Variants in ATRNL1 observed in about 807,000 individuals in gnomAD.
ATRNL1 encodes attractin-like protein 1.
ATRNL1 carries 95 observed loss-of-function variants against 182.7 expected under a neutral mutation model. The ratio of observed to expected loss-of-function variants is 0.52; its 90% CI spans 0.44 to 0.62. ATRNL1 has a LOEUF of 0.62. Ranked by LOEUF, ATRNL1 falls within the 20% of genes least tolerant of loss-of-function variation. ATRNL1 has a pLI of 0.00. For missense variants in ATRNL1, 1,471 were observed against 1,679.5 expected (o/e 0.88, Z 2.17); for synonymous variants, 576 against 568.3 (o/e 1.01, Z -0.19).
At chr10:115,098,990 A>G (rs1288335552) in intron 1 of ATRNL1, among the ~76,000 whole-genome samples, 2 of 152,242 alleles carry the variant, frequency 1.3e-5, no homozygotes, top group Non-Finnish European at 2.9e-5. Context: ...AAGTTTTGTC[A>G]TATGTATTTG....
intron 25 of ATRNL1, among the ~76,000 whole-genome samples, chr10:115,546,796 A>G (rs1435208984): frequency 6.6e-6 from 1 of 152,122 alleles, no homozygotes; most frequent in Non-Finnish European, 1.5e-5. Context: ...ACACTGCCAG[A>G]TATCGCCTGG....
intron 26 of ATRNL1, among the ~76,000 whole-genome samples, chr10:115,653,987 C>T (rs1008693038): frequency 1.3e-5 from 2 of 152,086 alleles, no homozygotes; most frequent in Admixed American, 6.6e-5. Context: ...ATATGATTAT[C>T]TCAGGTATCT....
chr10:115,454,714 G>A (rs935145909), intron 21 of ATRNL1, among the ~76,000 whole-genome samples: 3 of 151,942 alleles, frequency 2.0e-5, no homozygotes, highest in African/African-American at 4.8e-5. Context: ...CTAGTGTATA[G>A]CAATGCAACA....
chr10:115,624,713 T>A (rs1479722458), intron 26 of ATRNL1, among the ~76,000 whole-genome samples: 1 of 152,178 alleles, frequency 6.6e-6, no homozygotes, highest in African/African-American at 2.4e-5. Context: ...TTTGGACAGC[T>A]GACTGTTAAA....
chr10:115,715,512 A>G (rs1555056002), intron 26 of ATRNL1, among the ~76,000 whole-genome samples: 1 of 152,220 alleles, frequency 6.6e-6, no homozygotes, highest in Non-Finnish European at 1.5e-5. Context: ...AATTACTAGC[A>G]AGTATGGCAA....
At chr10:115,565,777 A>C (rs1470810421) in intron 26 of ATRNL1, among the ~76,000 whole-genome samples, 2 of 152,098 alleles carry the variant, frequency 1.3e-5, no homozygotes, top group African/African-American at 4.8e-5. Flanking sequence ...TTACCATTTG[A>C]TTATTTTTAT....
intron 19 of ATRNL1, among the ~76,000 whole-genome samples, chr10:115,378,869 T>C (rs1210077218): frequency 6.6e-6 from 1 of 152,210 alleles, no homozygotes; most frequent in Non-Finnish European, 1.5e-5. Flanking sequence ...GAAAATTAAA[T>C]TTACATGATA....
chr10:115,163,591 C>G (rs1301229931), intron 6 of ATRNL1, among the ~76,000 whole-genome samples: 2 of 151,978 alleles, frequency 1.3e-5, no homozygotes, highest in Admixed American at 6.6e-5. Flanking sequence ...TCTCTTAACT[C>G]CAGTGCTCAA....
At chr10:115,715,359 C>G (rs1301988395) in intron 26 of ATRNL1, among the ~76,000 whole-genome samples, 1 of 152,134 alleles carries the variant, frequency 6.6e-6, no homozygotes, top group African/African-American at 2.4e-5. Flanking sequence ...ATACCTCTTG[C>G]CACCCAGAGT....
At chr10:115,549,584 T>C (rs782348924) in intron 26 of ATRNL1, 48 bp downstream of exon 26, 69 of 1,315,246 alleles carry the variant, frequency 5.2e-5, no homozygotes, top group Middle Eastern at 2.2e-4. Flanking sequence ...TAAGCAAATA[T>C]ATGGATCTCT....
At chr10:115,701,153 C>T (rs1311995186) in intron 26 of ATRNL1, among the ~76,000 whole-genome samples, 6 of 151,986 alleles carry the variant, frequency 3.9e-5, no homozygotes, top group African/African-American at 1.4e-4. Flanking sequence ...CCAATAAGAT[C>T]TCTCAAAACC....
intron 27 of ATRNL1, among the ~76,000 whole-genome samples, chr10:115,821,473 A>G (rs2960672): frequency 0.73 from 111,548 of 151,950 alleles, 41,018 homozygotes; most frequent in Admixed American, 0.8. Flanking sequence ...AATGCCCCCA[A>G]TTAAAAGACA....
At chr10:115,582,577 C>G (rs1555008051) in intron 26 of ATRNL1, among the ~76,000 whole-genome samples, 1 of 128,436 alleles carries the variant, frequency 7.8e-6, no homozygotes, top group African/African-American at 2.6e-5. Context: ...CCTTCGCCCA[C>G]TTTTTGATGG....
At position 115,193,908 on chromosome 10, in the gene ATRNL1, G is replaced by A. The variant is rs141227273; in HGVS notation, c.1349-21789G>A. Among the ~76,000 whole-genome samples, 409 of 151,282 alleles carry A rather than the reference G, an allele frequency of 2.7e-3. 3 individuals are homozygous for A. Among genetic ancestry groups the A allele is most frequent in the African/African-American group, 9.4e-3 (388 of 41,290 alleles). ...TTTTGATCTGTTTGTCTCCATTTTC[G>A]TTTGTTTCTGGAAATTTTAAAATTT... On this transcript the variant is annotated intron_variant, in intron 8 of 28. Transcript: ENST00000355044.
chr10:115,833,097 G>A (rs1337334970), intron 27 of ATRNL1, among the ~76,000 whole-genome samples: 1 of 152,084 alleles, frequency 6.6e-6, no homozygotes, highest in Non-Finnish European at 1.5e-5. Flanking sequence ...GTAATAAGCA[G>A]GAAAGTTAAA....
intron 28 of ATRNL1, among the ~76,000 whole-genome samples, chr10:115,928,448 A>G (rs1273668508): frequency 6.6e-6 from 1 of 152,082 alleles, no homozygotes; most frequent in African/African-American, 2.4e-5. Context: ...TTTTCCTTAC[A>G]TAAAATTCAT....
At chr10:115,566,448 C>G (rs1245720217) in intron 26 of ATRNL1, among the ~76,000 whole-genome samples, 2 of 151,950 alleles carry the variant, frequency 1.3e-5, no homozygotes, top group African/African-American at 4.8e-5. Context: ...TTACATATAA[C>G]CTTTGGCTAT....
chr10:115,242,450 A>G (rs1554903177), intron 10 of ATRNL1, among the ~76,000 whole-genome samples: 2 of 151,974 alleles, frequency 1.3e-5, no homozygotes, highest in Non-Finnish European at 2.9e-5. Flanking sequence ...GTATCATATT[A>G]TATATAAAAC....
At chr10:115,689,214 G>A (rs1946314336) in intron 26 of ATRNL1, among the ~76,000 whole-genome samples, 1 of 152,022 alleles carries the variant, frequency 6.6e-6, no homozygotes, top group South Asian at 2.1e-4. Context: ...CTTATAATAT[G>A]TTTTGAAGTC....
Sources: gnomAD v4.1 joint callset for allele counts (sites outside exome capture counted in the v4.1 genomes callset) on GRCh38, gnomAD v4.1.1 for gene constraint, MANE v1.5 for transcripts, NCBI Gene and HGNC (gene_info 2026-07-23, HGNC 2026-07-21) for gene names.